Variants in CRY1 observed in about 807,000 individuals in gnomAD.
The protein encoded by CRY1 is cryptochrome circadian regulator 1, also known as cryptochrome-1.
In CRY1, 45 loss-of-function variants were observed where a neutral mutation model predicts 76.0. That is an observed-to-expected ratio of 0.59 (90% CI 0.47 to 0.76). The LOEUF is 0.76. CRY1 is among the 30% of genes least tolerant of loss of function. The probability of loss-of-function intolerance (pLI) is 0.00; values close to 1 mark genes in which losing one functional copy is unlikely to be tolerated. For synonymous variants in CRY1, 248 were observed against 244.0 expected, an observed-to-expected ratio of 1.02 and a Z score of -0.15; for missense variants, 587 against 716.4, an observed-to-expected ratio of 0.82 and a Z score of 2.06.
intron 1 of CRY1, among the ~76,000 whole-genome samples, chr12:107,056,991 C>A (rs1197908065): frequency 6.6e-6 from 1 of 151,820 alleles, no homozygotes; most frequent in Non-Finnish European, 1.5e-5. Context: ...AAAAAAAATT[C>A]TAAATGATAT....
At chr12:107,092,291 G>C (rs1450593723) in intron 1 of CRY1, among the ~76,000 whole-genome samples, 3 of 152,152 alleles carry the variant, frequency 2.0e-5, no homozygotes, top group Non-Finnish European at 4.4e-5. Context: ...AAAAAGAACC[G>C]AGCAGAGAAA....
chr12:107,004,682 A>G (rs1260041613), intron 3 of CRY1, among the ~76,000 whole-genome samples: 1 of 152,222 alleles, frequency 6.6e-6, no homozygotes, highest in Non-Finnish European at 1.5e-5. Flanking sequence ...AGACAGACAT[A>G]ATAGATATAC....
chr12:107,065,997 T>G (rs1953105371), intron 1 of CRY1, among the ~76,000 whole-genome samples: 1 of 152,246 alleles, frequency 6.6e-6, no homozygotes, highest in South Asian at 2.1e-4. Context: ...GCACAGTCTA[T>G]GACTATGTTG....
chr12:107,073,243 CTTTTT>C (rs572589570), intron 1 of CRY1, among the ~76,000 whole-genome samples: 1 of 147,946 alleles, frequency 6.8e-6, no homozygotes, highest in African/African-American at 2.5e-5. Context: ...CTCTCTCTCT[CTTTTT>C]TTTTTGAGAC....
chr12:107,093,358 A>C lies in CRY1; in HGVS notation c.-397T>G. On this transcript the variant is annotated 5_prime_UTR_variant, in exon 1 of 13. Coordinates refer to ENST00000008527, the MANE Select transcript of CRY1 (RefSeq NM_004075.5). ...TCGTCACGGAAACCTCGCCCCACCA[A>C]GGCGGCCCCTAAAGACAAAACGGCC... 1.7e-5 allele frequency: 3 copies of C among 174,472 alleles called. No individual in the cohort carries two copies. Among genetic ancestry groups the C allele is most frequent in the Non-Finnish European group, 2.4e-5 (2 of 82,682 alleles). 10.8% of individuals were successfully genotyped at this position (174,472 alleles called of 1,614,324 possible).
At chr12:107,049,225 C>T (rs1013836273) in intron 1 of CRY1, among the ~76,000 whole-genome samples, 4 of 152,180 alleles carry the variant, frequency 2.6e-5, no homozygotes, top group African/African-American at 7.2e-5. Flanking sequence ...CAGCCCAACA[C>T]AACTGCTAAA....
chr12:107,044,965 T>A (rs1333633114), intron 1 of CRY1, among the ~76,000 whole-genome samples: 2 of 152,088 alleles, frequency 1.3e-5, no homozygotes, highest in African/African-American at 4.8e-5. Context: ...TTTAATGAAA[T>A]CATAGCAGAA....
At chr12:107,037,329 C>T (rs1012633844) in intron 1 of CRY1, among the ~76,000 whole-genome samples, 7 of 152,052 alleles carry the variant, frequency 4.6e-5, no homozygotes, top group South Asian at 2.1e-4. Flanking sequence ...GTCAGGAGTT[C>T]GAGACCAGCC....
intron 1 of CRY1, among the ~76,000 whole-genome samples, chr12:107,085,337 C>T (rs1953384529): frequency 6.6e-6 from 1 of 152,172 alleles, no homozygotes; most frequent in African/African-American, 2.4e-5. Flanking sequence ...GATTATAAAT[C>T]ATTCTACTAT....
chr12:107,002,172 C>A (rs1269329970), intron 3 of CRY1, among the ~76,000 whole-genome samples: 1 of 151,894 alleles, frequency 6.6e-6, no homozygotes, highest in Non-Finnish European at 1.5e-5. Context: ...ATATACTACA[C>A]AAATATACTA....
intron 1 of CRY1, among the ~76,000 whole-genome samples, chr12:107,075,969 A>AT (rs1425708144): frequency 6.6e-6 from 1 of 152,142 alleles, no homozygotes; most frequent in Non-Finnish European, 1.5e-5. Context: ...ATTTACTGTG[A>AT]TATAGAGAAG....
At chr12:107,062,032 AAAAAAAAAAAAAGAAAAAAAG>A (rs1375990271) in intron 1 of CRY1, among the ~76,000 whole-genome samples, 1 of 150,740 alleles carries the variant, frequency 6.6e-6, no homozygotes, top group African/African-American at 2.4e-5. Context: ...TCTCAAAAAA[AAAAAAAAAAAAAGAAAAAAAG>A]AAAAAAAAAA....
chr12:107,008,859 C>T (rs1275634121), intron 2 of CRY1, among the ~76,000 whole-genome samples: 1 of 152,160 alleles, frequency 6.6e-6, no homozygotes, highest in East Asian at 1.9e-4. Context: ...GGCAGTTCCC[C>T]TACCCATGCT....
intron 1 of CRY1, among the ~76,000 whole-genome samples, chr12:107,035,948 C>A (rs1332446578): frequency 6.6e-6 from 1 of 152,174 alleles, no homozygotes; most frequent in Non-Finnish European, 1.5e-5. Flanking sequence ...AACAAACAAC[C>A]TCCCAAATCA....
intron 1 of CRY1, among the ~76,000 whole-genome samples, chr12:107,047,163 T>C (rs1433423032): frequency 6.6e-6 from 1 of 152,148 alleles, no homozygotes; most frequent in East Asian, 1.9e-4. Context: ...ATAACTGAAA[T>C]CATATCAAGT....
intron 1 of CRY1, among the ~76,000 whole-genome samples, chr12:107,032,602 ATC>A (rs1247295106): frequency 6.6e-6 from 1 of 152,116 alleles, no homozygotes; most frequent in Non-Finnish European, 1.5e-5. Flanking sequence ...CACGCCTATA[ATC>A]TCAGAGCCCA....
intron 1 of CRY1, among the ~76,000 whole-genome samples, chr12:107,066,336 T>G (rs1359902378): frequency 6.6e-6 from 1 of 152,268 alleles, no homozygotes. Context: ...GTACATAATA[T>G]GATCCCATCT....
intron 1 of CRY1, among the ~76,000 whole-genome samples, chr12:107,076,239 TA>T (rs1293996203): frequency 6.6e-6 from 1 of 151,994 alleles, no homozygotes; most frequent in Non-Finnish European, 1.5e-5. Context: ...CACACTTTTC[TA>T]TTTTTTTTTT....
chr12:107,091,045 CT>C (rs368203338), intron 1 of CRY1, among the ~76,000 whole-genome samples: 4,289 of 145,806 alleles, frequency 0.029, 81 homozygotes, highest in African/African-American at 0.057. Context: ...ACTATAAGTC[CT>C]TTTTTTTTTT....
Sources: gnomAD v4.1 joint callset for allele counts (sites outside exome capture counted in the v4.1 genomes callset) on GRCh38, gnomAD v4.1.1 for gene constraint, MANE v1.5 for transcripts, NCBI Gene and HGNC (gene_info 2026-07-23, HGNC 2026-07-21) for gene names.